Variants in KMT2B observed in about 807,000 individuals in gnomAD.
KMT2B encodes the protein histone-lysine N-methyltransferase 2B.
KMT2B carries 22 observed loss-of-function variants against 255.3 expected under a neutral mutation model. The observed-to-expected ratio is 0.09, with a 90% CI of 0.06 to 0.12. KMT2B has a LOEUF of 0.12. Among genes scored for constraint, KMT2B ranks in the 10% least tolerant of loss-of-function variants. The pLI, the probability that KMT2B is intolerant of heterozygous loss-of-function variation, is 1.00. For missense variants in KMT2B, 3,149 were observed against 3,737.0 expected (o/e 0.84, Z 4.10); for synonymous variants, 1,730 against 1,498.1 (o/e 1.15, Z -3.57).
chr19:35,718,777 C>T lies in KMT2B; in HGVS notation c.363+396C>T, dbSNP rs1322959462. ...TCTGGGCTCTTACCTGTGGGCCGCC[C>T]CGCCGGGCCTCGCAACCTCCTGGTT... On this transcript the variant is annotated intron_variant, in intron 1 of 36. Coordinates refer to ENST00000420124, the MANE Select transcript of KMT2B (RefSeq NM_014727.3). This position sits in a 1 kb window ranked among gnomAD's most constrained non-coding sequence, Gnocchi z 5.0. 6.6e-6 allele frequency among the ~76,000 whole-genome samples: 1 copy of T among 152,204 alleles called. No individual in the cohort carries two copies. The highest frequency in any genetic ancestry group is 2.4e-5 in the African/African-American group (1 of 41,444).
Position 35,722,374 on chromosome 19 carries a change from C to A in KMT2B, c.2473C>A (p.Gln825Lys). Residue 825 changes from glutamine (Q) to lysine (K), a missense_variant, in exon 4 of 37, where the codon CAG (glutamine) becomes AAG (lysine). Around this residue, in one of 18 missense-constraint regions of KMT2B, gnomAD observed 1,188 missense variants for 1,106.4 expected, o/e 1.07. Coordinates refer to ENST00000420124, the MANE Select transcript of KMT2B (RefSeq NM_014727.3). Reference sequence around the variant, plus strand: ...TCCCTGCCAGCTGAGCCCTGGAGGGCAGATGGAGGAGGTGGCCGGGGCTGT... The same window carrying A: ...TCCCTGCCAGCTGAGCCCTGGAGGGAAGATGGAGGAGGTGGCCGGGGCTGT... ...AASMPLSPGGQMEEVAGAVKQ... is the reference protein window; with the variant it reads ...AASMPLSPGGKMEEVAGAVKQ... 6.2e-7 allele frequency: 1 copy of A among 1,610,038 alleles called. No individual in the cohort carries two copies. The highest frequency in any genetic ancestry group is 8.5e-7 in the Non-Finnish European group (1 of 1,179,556).
In KMT2B at chr19:35,720,287, G is replaced by T; in HGVS notation, c.940G>T (p.Val314Leu). 1 of 1,613,348 alleles carries T rather than the reference G, an allele frequency of 6.2e-7. No homozygotes were observed. The highest frequency in any genetic ancestry group is 1.1e-5 in the South Asian group (1 of 90,934). The change falls in exon 3 of 37, where the codon GTA (valine) becomes TTA (leucine). Residue 314 changes from valine to leucine, a missense_variant. This residue lies in a region of KMT2B where 1,188 missense variants were observed against 1,106.4 expected (regional missense o/e 1.07). Transcript: ENST00000420124. ...CAAGTTTGTTTCAAGGGCCAAAAAA[G>T]TAAAGATGGGACAATTGTCCTTGGG... ...VIKFVSRAKK[V>L]KMGQLSLGLE...
In KMT2B at chr19:35,719,807, C is replaced by G. The variant is rs780868475; in HGVS notation, c.460C>G (p.Arg154Gly). 2.5e-6 allele frequency: 4 copies of G among 1,603,450 alleles called. No individual in the cohort carries two copies. The Admixed American group carries it at 5.2e-5, about 21-fold the overall frequency. Residue 154 changes from arginine (R) to glycine (G), a missense_variant, in exon 3 of 37, where the codon CGC becomes GGC. This residue lies in a region of KMT2B where 1,188 missense variants were observed against 1,106.4 expected (regional missense o/e 1.07). Transcript: ENST00000420124. ...AGGTCGAGCGCCCCGAGGTCGGGGT[C>G]GCAAGCATAAGACGACCCCCCTTCC... ...QRGRAPRGRGRKHKTTPLPPP... is the reference protein window; with the variant it reads ...QRGRAPRGRGGKHKTTPLPPP...
rs1334903284 is a variant in KMT2B at position 35,720,392 on chromosome 19, G to C, written c.1045G>C (p.Gly349Arg). Residue 349 changes from glycine (G) to arginine (R), a missense_variant, in exon 3 of 37, where the codon GGA becomes CGA. Physicochemically the swap from Gly to Arg is moderately radical, Grantham distance 125 (BLOSUM62 -2). This residue lies in a region of KMT2B where 1,188 missense variants were observed against 1,106.4 expected (regional missense o/e 1.07). Coordinates refer to ENST00000420124, the MANE Select transcript of KMT2B (RefSeq NM_014727.3). ...CCAAAGAAGAGTTGGATCTGGACAG[G>C]GAGGGAGCCCTTGCTGGAAAAAGCA... is the stretch of plus-strand genomic sequence containing the variant. ...VPQRRVGSGQ[G>R]GSPCWKKQEQ... The C allele has an allele frequency of 5.1e-6, 8 of 1,581,712 alleles. No homozygotes were observed. The highest frequency in any genetic ancestry group is 6.9e-6 in the Non-Finnish European group (8 of 1,163,676).
Position 35,737,484 on chromosome 19 carries a change from C to T in KMT2B, c.7551-152C>T, listed in dbSNP as rs1969963623. 1 of 740,718 alleles carries T rather than the reference C, an allele frequency of 1.4e-6. No homozygotes were observed. The highest frequency in any genetic ancestry group is 2.1e-6 in the Non-Finnish European group (1 of 466,774). The allele number at this position is 740,718 out of a possible 1,614,324, so 45.9% of individuals were successfully genotyped here. A position where few individuals can be genotyped will look rare whatever the true frequency, so the allele number is the denominator to read the frequency against. The stretch of plus-strand genomic sequence containing the variant: ...ATCGCATGAGCCCAGGAGTTGGAGA[C>T]CAGCGTAGGCAACATGGCAAAACCC... On this transcript the variant is annotated intron_variant, in intron 33 of 36. Coordinates refer to ENST00000420124, the MANE Select transcript of KMT2B (RefSeq NM_014727.3). This position sits in a 1 kb window ranked among gnomAD's most constrained non-coding sequence, Gnocchi z 5.3.
At chr19:35,728,240 G>T (rs1370440935) in intron 19 of KMT2B, 69 bp downstream of exon 19, 2 of 1,373,378 alleles carry the variant, frequency 1.5e-6, no homozygotes, top group Non-Finnish European at 1.0e-6. Flanking sequence ...CAGGGGCCAC[G>T]CTGGGCTGAG....
chr19:35,720,090 C>A lies in KMT2B; in HGVS notation c.743C>A (p.Pro248His). 6.2e-7 allele frequency: 1 copy of A among 1,603,534 alleles called. No homozygotes were observed. Among genetic ancestry groups the A allele is most frequent in the African/African-American group, 1.3e-5 (1 of 74,858 alleles). ...VVVAEAAVTI[P>H]KPEPPPPVVP... The stretch of plus-strand genomic sequence containing the variant: ...GTGGCAGAAGCAGCTGTGACAATCC[C>A]CAAACCTGAGCCCCCACCTCCTGTG... Residue 248 changes from proline to histidine, a missense_variant, in exon 3 of 37, where the codon CCC (proline) becomes CAC (histidine). Pro to His is a moderately conservative substitution (Grantham distance 77). This residue lies in a region of KMT2B where 1,188 missense variants were observed against 1,106.4 expected (regional missense o/e 1.07). Transcript: ENST00000420124.
chr19:35,718,239 G>A lies in KMT2B; in HGVS notation c.221G>A (p.Arg74His), dbSNP rs769345523. The change falls in exon 1 of 37, where the codon CGC (arginine) becomes CAC (histidine). Residue 74 changes from arginine to histidine, a missense_variant. Arg to His is a conservative substitution (Grantham distance 29). This residue lies in a region of KMT2B where 1,188 missense variants were observed against 1,106.4 expected (regional missense o/e 1.07). Coordinates refer to ENST00000420124, the MANE Select transcript of KMT2B (RefSeq NM_014727.3). This position sits in a 1 kb window ranked among gnomAD's most constrained non-coding sequence, Gnocchi z 5.0. Reference protein sequence around the residue: ...DTALLRLLGLRRGLRRLRRLW... With the variant: ...DTALLRLLGLHRGLRRLRRLW... ...GCCCTGCTCCGTTTGCTGGGGCTCC[G>A]CCGGGGCCTGCGCCGGCTCCGCCGC... 7.0e-4 allele frequency: 833 copies of A among 1,188,484 alleles called. No homozygotes were observed. Among genetic ancestry groups the A allele is most frequent in the Non-Finnish European group, 8.2e-4 (779 of 954,350 alleles). 73.6% of individuals were successfully genotyped at this position (1,188,484 alleles called of 1,614,324 possible). A position where few individuals can be genotyped will look rare whatever the true frequency, so the allele number is the denominator to read the frequency against.
intron 14 of KMT2B, among the ~76,000 whole-genome samples, chr19:35,726,949 A>C (rs1432255562): frequency 7.0e-6 from 1 of 142,564 alleles, no homozygotes; most frequent in Non-Finnish European, 1.5e-5. Context: ...TTGCCACTGC[A>C]CTCTAGCCTG....
At position 35,728,000 on chromosome 19, in the gene KMT2B, G is replaced by A. The variant is rs1418675340; in HGVS notation, c.4497+15G>A. 6 of 1,550,988 alleles carry A rather than the reference G, an allele frequency of 3.9e-6. No homozygotes were observed. Among genetic ancestry groups the A allele is most frequent in the African/African-American group, 1.4e-5 (1 of 73,616 alleles). On this transcript the variant is annotated intron_variant, in intron 18 of 36. Transcript: ENST00000420124. This position sits in a 1 kb window ranked among gnomAD's most constrained non-coding sequence, Gnocchi z 4.2. ...TCCTGCTGAAGGTGAGCTCTTCCGG[G>A]GATGCTTGTGGGGTGGGGGAGTGGG...
intron 3 of KMT2B, among the ~76,000 whole-genome samples, 187 bp from the exon 4 acceptor site, chr19:35,722,172 T>C (rs549917886): frequency 2.0e-4 from 30 of 152,058 alleles, no homozygotes; most frequent in Admixed American, 1.7e-3. Context: ...GCCTGGCTAA[T>C]TTTTGTATTT....
chr19:35,738,877 G>A lies in KMT2B; in HGVS notation c.*320G>A, dbSNP rs2146484601. The A allele has an allele frequency of 2.1e-6, 1 of 469,016 alleles. No individual in the cohort carries two copies. The highest frequency in any genetic ancestry group is 3.8e-6 in the Non-Finnish European group (1 of 263,882). 29.1% of individuals were successfully genotyped at this position (469,016 alleles called of 1,614,324 possible). On this transcript the variant is annotated 3_prime_UTR_variant, in exon 37 of 37. Transcript: ENST00000420124. This position sits in a 1 kb window ranked among gnomAD's most constrained non-coding sequence, Gnocchi z 8.7. ...CCACAATAAAGTCTGTCAATGTTTG[G>A]AGAGGTGGTCTTCCCATTTGTAGGC...
At chr19:35,719,398 AT>A in intron 1 of KMT2B, 70 bp from the exon 2 acceptor site, 1 of 1,114,368 alleles carries the variant, frequency 9.0e-7, no homozygotes, top group South Asian at 1.4e-5. Context: ...ATATTCCTCG[AT>A]ACCTCAGATG....
chr19:35,738,218 CAGTG>C lies in KMT2B; in HGVS notation c.7872+28_7872+31del, dbSNP rs538483405. On this transcript the variant is annotated intron_variant, in intron 36 of 36. Coordinates refer to ENST00000420124, the MANE Select transcript of KMT2B (RefSeq NM_014727.3). The surrounding 1 kb of genome is among the most constrained non-coding windows in gnomAD (Gnocchi z 8.7). ...TGGGCTCCCAGTGGCTGTGGGAAGACAGTGGGTGAAGCGAGCCTGTCCGCGGGGA... is the reference window on the plus strand; with the variant it reads ...TGGGCTCCCAGTGGCTGTGGGAAGACGGTGAAGCGAGCCTGTCCGCGGGGA... 3.6e-3 allele frequency: 5,797 copies of C among 1,613,696 alleles called. 12 individuals carry two copies. The highest frequency in any genetic ancestry group is 4.0e-3 in the Non-Finnish European group (4,741 of 1,179,752).
At chr19:35,731,123 A>G (rs1969673841) in intron 26 of KMT2B, among the ~76,000 whole-genome samples, 1 of 152,188 alleles carries the variant, frequency 6.6e-6, no homozygotes, top group Admixed American at 6.5e-5. Context: ...TGCAGGGAGT[A>G]GAGTGCTTAC....
chr19:35,727,368 G>C lies in KMT2B; in HGVS notation c.4118-70G>C. The C allele has an allele frequency of 6.3e-7, 1 of 1,590,832 alleles. No individual in the cohort carries two copies. Among genetic ancestry groups the C allele is most frequent in the Non-Finnish European group, 8.6e-7 (1 of 1,159,742 alleles). On this transcript the variant is annotated intron_variant, in intron 15 of 36. Transcript: ENST00000420124. This position sits in a 1 kb window ranked among gnomAD's most constrained non-coding sequence, Gnocchi z 4.2. ...GACTGGTGGGCTAAGGGTCCTTGCT[G>C]GCCTAGGGGCTGCTGGGAGCCCTCA...
intron 31 of KMT2B, 21 bp from the exon 32 acceptor site, chr19:35,736,891 C>T: frequency 6.2e-7 from 1 of 1,613,948 alleles, no homozygotes; most frequent in Non-Finnish European, 8.5e-7. Context: ...TGACTCAGCT[C>T]TGGCTCTGCT....
Position 35,724,853 on chromosome 19 carries a change from G to A in KMT2B, c.3429+122G>A, listed in dbSNP as rs955465314. ...GAGGACAGGCCCTGAGGGATGAGGC[G>A]GGCCTTGCCTGTCTGGAAAGCAAAG... On this transcript the variant is annotated intron_variant, in intron 9 of 36. Transcript: ENST00000420124. The A allele has an allele frequency of 4.1e-5, 46 of 1,129,996 alleles. No homozygotes were observed. In the African/African-American group the frequency reaches 4.2e-4, roughly 10 times the overall value. 70.0% of individuals were successfully genotyped at this position (1,129,996 alleles called of 1,614,324 possible).
chr19:35,733,967 C>G lies in KMT2B; in HGVS notation c.7159+95C>G. ...ATCAGCCCTCTTTCAAAACCAGTATCTACTCCCAGGGGCCAAGCCTGAGGC... is the reference window on the plus strand; with the variant it reads ...ATCAGCCCTCTTTCAAAACCAGTATGTACTCCCAGGGGCCAAGCCTGAGGC... On this transcript the variant is annotated intron_variant, in intron 30 of 36. Transcript: ENST00000420124. This position sits in a 1 kb window ranked among gnomAD's most constrained non-coding sequence, Gnocchi z 4.3. 2 of 863,472 alleles carry G rather than the reference C, an allele frequency of 2.3e-6. No individual in the cohort carries two copies. The highest frequency in any genetic ancestry group is 3.7e-6 in the Non-Finnish European group (2 of 538,706). The allele number at this position is 863,472 out of a possible 1,614,324, so 53.5% of individuals were successfully genotyped here. A position where few individuals can be genotyped will look rare whatever the true frequency, so the allele number is the denominator to read the frequency against.
Sources: allele counts gnomAD v4.1 joint callset (sites outside exome capture counted in the v4.1 genomes callset), GRCh38; gene constraint gnomAD v4.1.1; regional missense constraint gnomAD v4.1.1; non-coding constraint Gnocchi (gnomAD v3.1); transcripts MANE v1.5; gene names NCBI Gene and HGNC (gene_info 2026-07-23, HGNC 2026-07-21).